IQCB1: variants seen among roughly 807,000 people sequenced by gnomAD.
The protein encoded by IQCB1 is IQ motif containing B1.
Under a neutral mutation model 84.4 loss-of-function variants are expected in IQCB1, and 56 were observed. The observed-to-expected ratio is 0.66, with a 90% CI of 0.54 to 0.83. The LOEUF is 0.83. Among genes scored for constraint, IQCB1 ranks in the 40% least tolerant of loss-of-function variants. The probability of loss-of-function intolerance (pLI) is 0.00; values close to 1 mark genes in which losing one functional copy is unlikely to be tolerated. For synonymous variants in IQCB1, 210 were observed against 234.8 expected (o/e 0.89, Z 0.96); for missense variants, 629 against 682.1 (o/e 0.92, Z 0.87).
Position 121,788,346 on chromosome 3 carries a change from T to A in IQCB1, c.1216A>T (p.Asn406Tyr), listed in dbSNP as rs370477022. The change falls in exon 12 of 15, where the codon AAT (asparagine) becomes TAT (tyrosine). Residue 406 changes from asparagine to tyrosine, a missense_variant. By Grantham distance (143) the Asn-to-Tyr change is moderately radical (BLOSUM62 -2). Transcript: ENST00000310864. ...KHWRGYRERK[N>Y]FHQQRQSLIE... is the part of the protein sequence containing the mutation. Reference sequence around the variant, plus strand: ...AGAGACTGCCTCTGTTGGTGAAAATTTTTCCTTTCCCTGTACCCTCTCCAA... The same window carrying A: ...AGAGACTGCCTCTGTTGGTGAAAATATTTCCTTTCCCTGTACCCTCTCCAA... 31 of 1,613,758 alleles carry A rather than the reference T, an allele frequency of 1.9e-5. No homozygotes were observed. Among genetic ancestry groups the A allele is most frequent in the Non-Finnish European group, 2.4e-5 (28 of 1,179,934 alleles).
intron 14 of IQCB1, among the ~76,000 whole-genome samples, 167 bp from the exon 15 acceptor site, chr3:121,770,741 A>G (rs1947944677): frequency 6.6e-6 from 1 of 152,204 alleles, no homozygotes; most frequent in Non-Finnish European, 1.5e-5. Flanking sequence ...GGAGTGCAGT[A>G]GCAAGATCAC....
intron 13 of IQCB1, among the ~76,000 whole-genome samples, chr3:121,773,229 A>G (rs1215360023): frequency 6.8e-6 from 1 of 147,880 alleles, no homozygotes; most frequent in East Asian, 2.1e-4. Flanking sequence ...CGGGAGAATT[A>G]CTTGAACCTG....
intron 12 of IQCB1, among the ~76,000 whole-genome samples, chr3:121,782,469 A>G (rs1420970275): frequency 6.6e-6 from 1 of 152,260 alleles, no homozygotes; most frequent in Non-Finnish European, 1.5e-5. Context: ...ATCATGGCCC[A>G]CAGGCCAAAT....
intron 2 of IQCB1, chr3:121,833,958 A>G (rs1481978792): frequency 1.3e-5 from 2 of 152,318 alleles, no homozygotes; most frequent in South Asian, 4.1e-4. Flanking sequence ...AACAACTCTA[A>G]GGAACAGATA....
chr3:121,793,844 G>A (rs1949083573), intron 10 of IQCB1, among the ~76,000 whole-genome samples: 1 of 152,096 alleles, frequency 6.6e-6, no homozygotes, highest in Non-Finnish European at 1.5e-5. Context: ...GTAATCCTGG[G>A]CTACTTTTAA....
At chr3:121,834,941 C>T (rs1708194985) in intron 1 of IQCB1, 25 bp downstream of exon 1, 1 of 365,318 alleles carries the variant, frequency 2.7e-6, no homozygotes, top group Non-Finnish European at 5.1e-6. Context: ...CTCTCCCTCC[C>T]CAGCCACCAC....
chr3:121,816,870 A>G (rs1359865723), intron 5 of IQCB1, among the ~76,000 whole-genome samples: 1 of 152,228 alleles, frequency 6.6e-6, no homozygotes, highest in African/African-American at 2.4e-5. Context: ...AAGGATCTAG[A>G]ATCAGAAATA....
intron 2 of IQCB1, 101 bp from the exon 3 acceptor site, chr3:121,829,073 T>C: frequency 1.4e-6 from 1 of 724,252 alleles, no homozygotes; most frequent in East Asian, 2.7e-5. Flanking sequence ...TAAAAACAGC[T>C]TTTCTTGCCT....
intron 7 of IQCB1, among the ~76,000 whole-genome samples, chr3:121,806,756 T>A (rs1476307419): frequency 6.6e-6 from 1 of 152,024 alleles, no homozygotes; most frequent in Non-Finnish European, 1.5e-5. Context: ...CATTCTATTG[T>A]AAGCTCTTTG....
intron 4 of IQCB1, 68 bp from the exon 5 acceptor site, chr3:121,826,248 T>C: frequency 6.8e-7 from 1 of 1,478,822 alleles, no homozygotes; most frequent in Non-Finnish European, 9.4e-7. Context: ...CTAGAGACAC[T>C]GTGCCTTATT....
Position 121,772,584 on chromosome 3 carries a change from T to C in IQCB1, c.1540A>G (p.Ile514Val). 1 of 1,614,244 alleles carries C rather than the reference T, an allele frequency of 6.2e-7. No individual in the cohort carries two copies. Among genetic ancestry groups the C allele is most frequent in the Non-Finnish European group, 8.5e-7 (1 of 1,180,040 alleles). The change falls in exon 14 of 15, where the codon ATC becomes GTC. Residue 514 changes from isoleucine to valine, a missense_variant. By Grantham distance (29) the Ile-to-Val change is conservative. Coordinates refer to ENST00000310864, the MANE Select transcript of IQCB1 (RefSeq NM_001023570.4). ...ATTAGCTGTTCAACGTTGGTGCTGA[T>C]CTGTGCTATCAGAGCTTCTCTGTGC... Reference protein sequence around the residue: ...QQHREALIAQISTNVEQLMKA... With the variant: ...QQHREALIAQVSTNVEQLMKA...
chr3:121,809,087 G>A (rs1195638788), intron 5 of IQCB1, 78 bp from the exon 6 acceptor site: 12 of 792,216 alleles, frequency 1.5e-5, no homozygotes, highest in Non-Finnish European at 2.5e-5. Context: ...ACTTCTCTCT[G>A]GGGAGTTAGA....
In IQCB1 at chr3:121,828,519, G is replaced by C. The variant is rs201405662; in HGVS notation, c.214C>G (p.Arg72Gly). The C allele has an allele frequency of 8.1e-6, 13 of 1,612,776 alleles. No individual in the cohort carries two copies. Among genetic ancestry groups the C allele is most frequent in the Admixed American group, 3.3e-5 (2 of 59,986 alleles). ...CLLVLSQDYS[R>G]IQGGWTTISQ... ...ATTGTAGTCCAACCACCCTGGATTC[G>C]AGAATAATCTTGACTGAGGACCAAG... The change falls in exon 4 of 15, where the codon CGA becomes GGA. Residue 72 changes from arginine (R) to glycine (G), a missense_variant. By Grantham distance (125) the Arg-to-Gly change is moderately radical. Transcript: ENST00000310864.
intron 5 of IQCB1, among the ~76,000 whole-genome samples, chr3:121,812,169 C>T (rs1949855413): frequency 6.6e-6 from 1 of 152,150 alleles, no homozygotes; most frequent in African/African-American, 2.4e-5. Flanking sequence ...CTCCAGCAGA[C>T]CTGCAGAAGA....
chr3:121,821,862 T>C (rs1248818651), intron 5 of IQCB1, among the ~76,000 whole-genome samples: 1 of 152,240 alleles, frequency 6.6e-6, no homozygotes, highest in Non-Finnish European at 1.5e-5. Flanking sequence ...TCTGGGTGTT[T>C]CTGTAAGGGT....
At chr3:121,782,392 C>T (rs892233632) in intron 12 of IQCB1, among the ~76,000 whole-genome samples, 1 of 152,238 alleles carries the variant, frequency 6.6e-6, no homozygotes, top group Non-Finnish European at 1.5e-5. Context: ...TCACTCTGCT[C>T]ATGTCTTCGT....
At chr3:121,819,735 ATCTAAC>A (rs1950208164) in intron 5 of IQCB1, among the ~76,000 whole-genome samples, 1 of 152,192 alleles carries the variant, frequency 6.6e-6, no homozygotes, top group South Asian at 2.1e-4. Flanking sequence ...CTCATGAGTA[ATCTAAC>A]TCTATAGTGT....
In IQCB1 at chr3:121,807,461, A is replaced by C. The variant is rs1269309548; in HGVS notation, c.488-18T>G. The C allele has an allele frequency of 2.5e-6, 3 of 1,204,734 alleles. No individual in the cohort carries two copies. The highest frequency in any genetic ancestry group is 2.5e-6 in the Non-Finnish European group (2 of 810,294). The allele number at this position is 1,204,734 out of a possible 1,614,324, so 74.6% of individuals were successfully genotyped here. ...TTGTAGTACTAAAGGAAAAGAAAAAAAAAGAAAGATTAAAGTAAAGATTTT... is the reference window on the plus strand; with the variant it reads ...TTGTAGTACTAAAGGAAAAGAAAAACAAAGAAAGATTAAAGTAAAGATTTT... On this transcript the variant is annotated intron_variant, in intron 6 of 14. Transcript: ENST00000310864.
At chr3:121,831,034 A>G (rs1018548195) in intron 2 of IQCB1, among the ~76,000 whole-genome samples, 1 of 152,208 alleles carries the variant, frequency 6.6e-6, no homozygotes, top group African/African-American at 2.4e-5. Context: ...AAGGCTCAAG[A>G]GGATGGGGTA....
Sources: gnomAD v4.1 joint callset for allele counts (sites outside exome capture counted in the v4.1 genomes callset) on GRCh38, gnomAD v4.1.1 for gene constraint, MANE v1.5 for transcripts, NCBI Gene and HGNC (gene_info 2026-07-23, HGNC 2026-07-21) for gene names.